The following KCNH8 variants were observed in gnomAD, a reference collection of about 807,000 sequenced individuals.
The protein encoded by KCNH8 is potassium voltage-gated channel subfamily H member 8.
A neutral mutation model predicts 103.6 loss-of-function variants in KCNH8; 70 were observed. That is an observed-to-expected ratio of 0.68 (90% CI 0.56 to 0.82). The LOEUF is 0.82. Among genes scored for constraint, KCNH8 ranks in the 40% least tolerant of loss-of-function variants. The probability of loss-of-function intolerance (pLI) is 0.00; values close to 1 mark genes in which losing one functional copy is unlikely to be tolerated. For missense variants in KCNH8, 1,217 were observed against 1,329.9 expected, an observed-to-expected ratio of 0.92 and a Z score of 1.32; for synonymous variants, 498 against 489.4, an observed-to-expected ratio of 1.02 and a Z score of -0.23.
At chr3:19,288,545 A>G (rs1177158831) in intron 3 of KCNH8, among the ~76,000 whole-genome samples, 1 of 151,996 alleles carries the variant, frequency 6.6e-6, no homozygotes, top group African/African-American at 2.4e-5. Context: ...CCATGTCCCT[A>G]CAAAGGACAT....
chr3:19,354,592 C>G (rs1472173502), intron 5 of KCNH8, among the ~76,000 whole-genome samples: 3 of 152,180 alleles, frequency 2.0e-5, no homozygotes, highest in African/African-American at 7.2e-5. Context: ...GTACAACCAT[C>G]TGATCTTTGA....
At chr3:19,286,772 A>G (rs1559459671) in intron 3 of KCNH8, among the ~76,000 whole-genome samples, 1 of 152,222 alleles carries the variant, frequency 6.6e-6, no homozygotes, top group South Asian at 2.1e-4. Context: ...AAAAAAGCCT[A>G]TACATGTTTA....
At chr3:19,511,493 T>C (rs1025674939) in intron 12 of KCNH8, among the ~76,000 whole-genome samples, 12 of 152,182 alleles carry the variant, frequency 7.9e-5, no homozygotes, top group African/African-American at 2.9e-4. Flanking sequence ...GAGAATGCGC[T>C]CATTGTTTCT....
At chr3:19,153,399 C>T (rs958745114) in intron 1 of KCNH8, among the ~76,000 whole-genome samples, 1 of 151,972 alleles carries the variant, frequency 6.6e-6, no homozygotes, top group African/African-American at 2.4e-5. Flanking sequence ...TAACATTTTT[C>T]ATTACTGTCA....
chr3:19,447,133 A>C (rs981577070), intron 8 of KCNH8, among the ~76,000 whole-genome samples: 2 of 152,066 alleles, frequency 1.3e-5, no homozygotes, highest in Non-Finnish European at 2.9e-5. Flanking sequence ...TTCTTGAGTC[A>C]AACTTTGATA....
At chr3:19,456,286 A>G (rs996024954) in intron 10 of KCNH8, among the ~76,000 whole-genome samples, 7 of 152,068 alleles carry the variant, frequency 4.6e-5, no homozygotes, top group African/African-American at 1.7e-4. Flanking sequence ...TCAGATATTC[A>G]TAGTCAATTT....
chr3:19,197,891 G>C (rs1032017383), intron 1 of KCNH8, among the ~76,000 whole-genome samples: 2 of 151,824 alleles, frequency 1.3e-5, no homozygotes, highest in African/African-American at 4.8e-5. Context: ...TTTAAAATTT[G>C]TGCAGTATTT....
At chr3:19,460,651 C>G (rs563229510) in intron 11 of KCNH8, among the ~76,000 whole-genome samples, 1 of 152,134 alleles carries the variant, frequency 6.6e-6, no homozygotes, top group Non-Finnish European at 1.5e-5. Flanking sequence ...TTAGGGATCA[C>G]GTCCTTCAAG....
chr3:19,359,384 G>T (rs2065920201), intron 5 of KCNH8, among the ~76,000 whole-genome samples: 2 of 151,208 alleles, frequency 1.3e-5, no homozygotes, highest in South Asian at 4.2e-4. Flanking sequence ...TATACATAGA[G>T]AAAGAGAAAC....
At chr3:19,307,215 A>C (rs1327368452) in intron 3 of KCNH8, among the ~76,000 whole-genome samples, 1 of 152,018 alleles carries the variant, frequency 6.6e-6, no homozygotes, top group African/African-American at 2.4e-5. Context: ...CAAAAGAAAA[A>C]AAAAGCAATC....
intron 11 of KCNH8, among the ~76,000 whole-genome samples, chr3:19,496,812 G>T (rs559265522): frequency 1.3e-5 from 2 of 152,058 alleles, no homozygotes; most frequent in East Asian, 1.9e-4. Flanking sequence ...CTGTGAATCC[G>T]TCTACTTCTC....
chr3:19,386,051 A>G (rs1401764875), intron 5 of KCNH8, among the ~76,000 whole-genome samples: 2 of 152,120 alleles, frequency 1.3e-5, no homozygotes, highest in African/African-American at 4.8e-5. Context: ...AATTTTTGCC[A>G]TATTAAATTT....
chr3:19,352,052 C>A (rs2065810629), intron 5 of KCNH8, among the ~76,000 whole-genome samples: 1 of 151,894 alleles, frequency 6.6e-6, no homozygotes, highest in Non-Finnish European at 1.5e-5. Flanking sequence ...ACCTACCAAG[C>A]AAATGGAAAA....
intron 11 of KCNH8, among the ~76,000 whole-genome samples, chr3:19,493,182 C>T (rs887540459): frequency 6.6e-6 from 1 of 152,010 alleles, no homozygotes; most frequent in East Asian, 1.9e-4. Context: ...GACAGTTTGG[C>T]CTCTTGTCTT....
intron 2 of KCNH8, among the ~76,000 whole-genome samples, chr3:19,266,550 C>T (rs1486671014): frequency 1.3e-5 from 2 of 152,082 alleles, no homozygotes; most frequent in East Asian, 1.9e-4. Flanking sequence ...ATAACTTTCT[C>T]TTTATGCATC....
intron 5 of KCNH8, among the ~76,000 whole-genome samples, chr3:19,357,757 G>A (rs1306998368): frequency 1.3e-5 from 2 of 151,822 alleles, no homozygotes; most frequent in Admixed American, 1.3e-4. Context: ...TGATATGCAA[G>A]TATGCTTTGT....
At chr3:19,275,641 A>G (rs1384855669) in intron 2 of KCNH8, among the ~76,000 whole-genome samples, 1 of 152,130 alleles carries the variant, frequency 6.6e-6, no homozygotes, top group Admixed American at 6.5e-5. Flanking sequence ...TTCATCTCTT[A>G]GTATAGTACA....
chr3:19,375,272 T>C (rs1422703383), intron 5 of KCNH8, among the ~76,000 whole-genome samples: 1 of 151,254 alleles, frequency 6.6e-6, no homozygotes, highest in Non-Finnish European at 1.5e-5. Context: ...TCTTTTCACA[T>C]AGTCCCATAT....
In KCNH8 at chr3:19,347,847, A is replaced by G. The variant is rs1340457804; in HGVS notation, c.693A>G (p.Ala231=). 8.7e-6 allele frequency: 14 copies of G among 1,613,296 alleles called. No homozygotes were observed. The highest frequency in any genetic ancestry group is 1.3e-5 in the African/African-American group (1 of 74,868). Residue 231 remains alanine, a synonymous_variant, in exon 5 of 16, where the codon GCA becomes GCG. Transcript: ENST00000328405. ...GCTGGGACTGGCTTATTTTGTTGGCAACGTTTTATGTTGCTGTGACTGTAC... is the reference window on the plus strand; with the variant it reads ...GCTGGGACTGGCTTATTTTGTTGGCGACGTTTTATGTTGCTGTGACTGTAC... ...KAGWDWLILL[A]TFYVAVTVPY...
Sources: allele counts gnomAD v4.1 joint callset (sites outside exome capture counted in the v4.1 genomes callset), GRCh38; gene constraint gnomAD v4.1.1; transcripts MANE v1.5; gene names NCBI Gene and HGNC (gene_info 2026-07-23, HGNC 2026-07-21).